ATP8A1: variants seen among roughly 807,000 people sequenced by gnomAD.
ATP8A1 encodes ATPase phospholipid transporting 8A1.
ATP8A1 carries 90 observed loss-of-function variants against 177.7 expected under a neutral mutation model. The ratio of observed to expected loss-of-function variants is 0.51; its 90% confidence interval spans 0.43 to 0.60. The LOEUF (loss-of-function observed/expected upper bound fraction) is 0.60, where lower values mean the gene tolerates loss of function less well. Among genes scored for constraint, ATP8A1 ranks in the 20% least tolerant of loss-of-function variants. The pLI is 0.00. For synonymous variants in ATP8A1, 493 were observed against 485.9 expected, an observed-to-expected ratio of 1.01 and a Z score of -0.19; for missense variants, 1,072 against 1,392.8, an observed-to-expected ratio of 0.77 and a Z score of 3.67.
At chr4:42,449,911 C>T (rs1316892289) in intron 30 of ATP8A1, among the ~76,000 whole-genome samples, 2 of 152,180 alleles carry the variant, frequency 1.3e-5, no homozygotes, top group African/African-American at 4.8e-5. Context: ...GTTTAAGTGA[C>T]TTTTGATATT....
chr4:42,503,766 G>C (rs1164250291), intron 23 of ATP8A1, among the ~76,000 whole-genome samples: 1 of 152,152 alleles, frequency 6.6e-6, no homozygotes, highest in Non-Finnish European at 1.5e-5. Context: ...AAGGATTCTC[G>C]ATGTCCTGAA....
At chr4:42,553,684 G>A (rs571164990) in intron 16 of ATP8A1, among the ~76,000 whole-genome samples, 1 of 152,196 alleles carries the variant, frequency 6.6e-6, no homozygotes, top group African/African-American at 2.4e-5. Context: ...TGAAAAAACT[G>A]TGTTCAAGCT....
intron 33 of ATP8A1, among the ~76,000 whole-genome samples, chr4:42,438,807 C>G (rs971733195): frequency 6.6e-6 from 1 of 152,108 alleles, no homozygotes; most frequent in Non-Finnish European, 1.5e-5. Context: ...AAAAGAATGA[C>G]CTGGGTTAAA....
intron 5 of ATP8A1, among the ~76,000 whole-genome samples, chr4:42,611,505 G>A (rs1018011847): frequency 6.6e-6 from 1 of 152,120 alleles, no homozygotes; most frequent in Non-Finnish European, 1.5e-5. Context: ...AATGTATACA[G>A]ACCATCGTCC....
At chr4:42,656,752 G>A in intron 1 of ATP8A1, 73 bp downstream of exon 1, 2 of 1,416,734 alleles carry the variant, frequency 1.4e-6, no homozygotes, top group Non-Finnish European at 9.4e-7. Flanking sequence ...TCTCTTCCAG[G>A]ATAAACACAC....
Position 42,552,607 on chromosome 4 carries a change from T to C in ATP8A1, c.1417A>G (p.Thr473Ala). The change falls in exon 17 of 37, where the codon ACT (threonine) becomes GCT (alanine). Residue 473 changes from threonine (T) to alanine (A), a missense_variant. Coordinates refer to ENST00000381668, the MANE Select transcript of ATP8A1 (RefSeq NM_006095.2). ...LLENLQNNHP[T>A]APIICEFLTM... ...AGAAATTCACATATTATAGGTGCAGTTGGCTGTGAAAAATAAACACATAAT... is the reference window on the plus strand; with the variant it reads ...AGAAATTCACATATTATAGGTGCAGCTGGCTGTGAAAAATAAACACATAAT... The C allele has an allele frequency of 1.2e-6, 2 of 1,611,424 alleles. No individual in the cohort carries two copies. The highest frequency in any genetic ancestry group is 1.7e-6 in the Non-Finnish European group (2 of 1,178,666).
intron 1 of ATP8A1, among the ~76,000 whole-genome samples, chr4:42,640,267 G>A (rs775410825): frequency 2.6e-5 from 4 of 152,228 alleles, no homozygotes; most frequent in Admixed American, 1.3e-4. Flanking sequence ...ACATTTCTGA[G>A]AATTCAGTTA....
intron 5 of ATP8A1, among the ~76,000 whole-genome samples, chr4:42,613,828 T>C (rs1001709158): frequency 6.6e-6 from 1 of 151,918 alleles, no homozygotes; most frequent in African/African-American, 2.4e-5. Flanking sequence ...TGGCGATCCA[T>C]CCGCCTCAGC....
At chr4:42,627,171 T>G in intron 1 of ATP8A1, 62 bp from the exon 2 acceptor site, 1 of 1,181,096 alleles carries the variant, frequency 8.5e-7, no homozygotes. Context: ...AAAACAGATT[T>G]CATAACTAGT....
chr4:42,635,505 A>C (rs28442039), intron 1 of ATP8A1, among the ~76,000 whole-genome samples: 1,764 of 152,020 alleles, frequency 0.012, 45 homozygotes, highest in African/African-American at 0.039. Context: ...TGCTTGCAAC[A>C]GTCAAAGAAT....
intron 16 of ATP8A1, 102 bp downstream of exon 16, chr4:42,555,866 G>A: frequency 1.5e-5 from 11 of 736,936 alleles, no homozygotes; most frequent in Non-Finnish European, 2.3e-5. Context: ...AAAAGATCAT[G>A]AAAGTAAAAA....
intron 2 of ATP8A1, 81 bp downstream of exon 2, chr4:42,626,914 G>C (rs1445643049): frequency 9.6e-7 from 1 of 1,036,292 alleles, no homozygotes; most frequent in African/African-American, 1.6e-5. Context: ...TGCACTGAAA[G>C]CTCTTTGCAA....
In ATP8A1 at chr4:42,455,315, G is replaced by A; in HGVS notation, c.2799C>T (p.Ala933=). 1.9e-6 allele frequency: 3 copies of A among 1,613,698 alleles called. No individual in the cohort carries two copies. Among genetic ancestry groups the A allele is most frequent in the Non-Finnish European group, 2.5e-6 (3 of 1,179,720 alleles). Residue 933 remains alanine (A), a synonymous_variant, in exon 29 of 37, where the codon GCC becomes GCT. Transcript: ENST00000381668. The stretch of plus-strand genomic sequence containing the variant: ...GTCCTACCTTGGTGTTGAAGTCCAG[G>A]GCATTCTGAGATGTTTTGTATAATT... The part of the protein sequence containing the change: ...YPELYKTSQN[A]LDFNTKVFWV...
intron 5 of ATP8A1, 45 bp from the exon 6 acceptor site, chr4:42,600,563 G>T: frequency 6.4e-7 from 1 of 1,560,406 alleles, no homozygotes; most frequent in South Asian, 1.2e-5. Context: ...GTTTTACTAT[G>T]AAAAGGCCAT....
chr4:42,640,409 T>G (rs1332052589), intron 1 of ATP8A1, among the ~76,000 whole-genome samples: 1 of 152,232 alleles, frequency 6.6e-6, no homozygotes, highest in African/African-American at 2.4e-5. Context: ...ATAATGCTAT[T>G]GGCCAATGAG....
intron 5 of ATP8A1, 133 bp downstream of exon 5, chr4:42,615,900 C>T: frequency 1.3e-6 from 1 of 748,428 alleles, no homozygotes; most frequent in Non-Finnish European, 2.2e-6. Flanking sequence ...TGCCACAAAG[C>T]AAAAATCAAT....
At chr4:42,485,727 A>G in intron 24 of ATP8A1, 59 bp from the exon 25 acceptor site, 4 of 1,442,720 alleles carry the variant, frequency 2.8e-6, no homozygotes, top group Non-Finnish European at 3.8e-6. Flanking sequence ...TTCTACTAGG[A>G]TGCCTTAAGG....
intron 25 of ATP8A1, among the ~76,000 whole-genome samples, 194 bp downstream of exon 25, chr4:42,485,302 T>A (rs1184445238): frequency 6.6e-6 from 1 of 152,190 alleles, no homozygotes; most frequent in Non-Finnish European, 1.5e-5. Context: ...AAAATACTTG[T>A]TAATGATTGT....
chr4:42,630,220 T>C (rs1331593733), intron 1 of ATP8A1, among the ~76,000 whole-genome samples: 1 of 152,176 alleles, frequency 6.6e-6, no homozygotes, highest in Non-Finnish European at 1.5e-5. Context: ...AGGAGAATCC[T>C]TTACCACCCT....
Sources: gnomAD v4.1 joint callset for allele counts (sites outside exome capture counted in the v4.1 genomes callset) on GRCh38, gnomAD v4.1.1 for gene constraint, MANE v1.5 for transcripts, NCBI Gene and HGNC (gene_info 2026-07-23, HGNC 2026-07-21) for gene names.